The following MRTFA variants were observed in gnomAD, a reference collection of about 807,000 sequenced individuals.
The protein encoded by MRTFA is myocardin related transcription factor A.
MRTFA carries 20 observed loss-of-function variants against 83.5 expected under a neutral mutation model. The ratio of observed to expected loss-of-function variants is 0.24; its 90% CI spans 0.17 to 0.35. The LOEUF (loss-of-function observed/expected upper bound fraction) is 0.35. Among genes scored for constraint, MRTFA ranks in the 10% least tolerant of loss-of-function variants. MRTFA has a pLI of 1.00. For synonymous variants in MRTFA, 659 were observed against 541.2 expected (o/e 1.22, Z -3.02); for missense variants, 1,200 against 1,224.7 (o/e 0.98, Z 0.30).
intron 3 of MRTFA, 77 bp from the exon 4 acceptor site, chr22:40,463,363 A>C: frequency 2.4e-6 from 3 of 1,259,796 alleles, no homozygotes; most frequent in Non-Finnish European, 3.5e-6. Context: ...TTTCAAACGC[A>C]AAAAAAGTCT....
chr22:40,574,440 A>AT (rs1556012318), intron 2 of MRTFA, among the ~76,000 whole-genome samples: 134 of 147,770 alleles, frequency 9.1e-4, no homozygotes, highest in Admixed American at 1.6e-3. Context: ...TATTATTATT[A>AT]TTTTTTTTTT....
At chr22:40,499,166 G>A (rs150769798) in intron 3 of MRTFA, among the ~76,000 whole-genome samples, 2 of 152,288 alleles carry the variant, frequency 1.3e-5, no homozygotes, top group African/African-American at 4.8e-5. Context: ...TTCTCGTAAA[G>A]ATGTCATGCT....
At chr22:40,459,822 C>CATATATATATATATATATATAT (rs1284924516) in intron 4 of MRTFA, among the ~76,000 whole-genome samples, 3 of 68,264 alleles carry the variant, frequency 4.4e-5, no homozygotes, top group African/African-American at 1.3e-4. Flanking sequence ...CACACACACA[C>CATATATATATATATATATATAT]ATATATACAT....
intron 1 of MRTFA, among the ~76,000 whole-genome samples, chr22:40,615,062 G>A (rs1231118648): frequency 1.3e-5 from 2 of 151,732 alleles, no homozygotes; most frequent in Admixed American, 1.3e-4. Context: ...AAAAAAATCT[G>A]CCTATGTCAA....
At chr22:40,532,646 T>A (rs1422659279) in intron 3 of MRTFA, among the ~76,000 whole-genome samples, 2 of 152,212 alleles carry the variant, frequency 1.3e-5, no homozygotes, top group Admixed American at 1.3e-4. Flanking sequence ...CCAGATAGCA[T>A]CTGATCCTGT....
intron 3 of MRTFA, among the ~76,000 whole-genome samples, chr22:40,498,495 G>C (rs780239069): frequency 2.0e-5 from 3 of 150,870 alleles, no homozygotes; most frequent in African/African-American, 7.3e-5. Flanking sequence ...ATGTTGCGCA[G>C]GTTGGTCTTG....
chr22:40,474,790 T>C (rs10483204), intron 3 of MRTFA, among the ~76,000 whole-genome samples: 18,300 of 152,190 alleles, frequency 0.12, 1,255 homozygotes, highest in East Asian at 0.24. Flanking sequence ...ACACTATATC[T>C]TAACTGATTT....
At chr22:40,457,777 CAT>C (rs1268085561) in intron 4 of MRTFA, among the ~76,000 whole-genome samples, 1 of 152,176 alleles carries the variant, frequency 6.6e-6, no homozygotes, top group Admixed American at 6.5e-5. Flanking sequence ...GCATTAGAAA[CAT>C]GGTACTATAT....
intron 2 of MRTFA, among the ~76,000 whole-genome samples, chr22:40,573,128 G>A (rs986102866): frequency 7.2e-5 from 11 of 152,192 alleles, no homozygotes; most frequent in African/African-American, 2.7e-4. Flanking sequence ...GAGAGAAAAG[G>A]GAGAGGGAAG....
At chr22:40,500,565 A>G (rs1483952237) in intron 3 of MRTFA, among the ~76,000 whole-genome samples, 1 of 152,032 alleles carries the variant, frequency 6.6e-6, no homozygotes, top group African/African-American at 2.4e-5. Flanking sequence ...TGTGTCCCTG[A>G]TTACTTGCGA....
intron 3 of MRTFA, among the ~76,000 whole-genome samples, chr22:40,503,622 G>C (rs1226025373): frequency 6.6e-6 from 1 of 152,216 alleles, no homozygotes; most frequent in African/African-American, 2.4e-5. Flanking sequence ...TGCAAAGAAG[G>C]CATCAGTGTT....
chr22:40,607,059 G>A (rs948989779), intron 1 of MRTFA, among the ~76,000 whole-genome samples: 1 of 152,180 alleles, frequency 6.6e-6, no homozygotes, highest in African/African-American at 2.4e-5. Flanking sequence ...ACAGAAAACA[G>A]ATACACAATA....
chr22:40,509,304 A>C (rs929817956), intron 3 of MRTFA, among the ~76,000 whole-genome samples: 5 of 152,234 alleles, frequency 3.3e-5, no homozygotes, highest in African/African-American at 1.2e-4. Context: ...TCTAACTCTT[A>C]CTGGGCAAAT....
chr22:40,485,654 TA>T (rs1162445906), intron 3 of MRTFA, among the ~76,000 whole-genome samples: 1 of 152,064 alleles, frequency 6.6e-6, no homozygotes, highest in Non-Finnish European at 1.5e-5. Flanking sequence ...TACCTATTCC[TA>T]GATGGAAGGT....
chr22:40,575,057 C>A (rs983240709), intron 2 of MRTFA, among the ~76,000 whole-genome samples: 2 of 152,194 alleles, frequency 1.3e-5, no homozygotes. Context: ...AGAAAAGTAG[C>A]ATGGGCTTAG....
intron 3 of MRTFA, among the ~76,000 whole-genome samples, chr22:40,479,006 G>A (rs771342260): frequency 5.3e-5 from 8 of 152,102 alleles, no homozygotes; most frequent in Non-Finnish European, 7.4e-5. Flanking sequence ...AAATTACTTA[G>A]GCAGATAGGG....
intron 3 of MRTFA, among the ~76,000 whole-genome samples, chr22:40,489,040 G>GA (rs769694818): frequency 6.6e-6 from 1 of 151,522 alleles, no homozygotes; most frequent in Non-Finnish European, 1.5e-5. Context: ...GCTCAGTCCT[G>GA]AAAAAAAATT....
chr22:40,423,533 T>C lies in MRTFA; in HGVS notation c.927+3A>G. The C allele has an allele frequency of 6.7e-7, 1 of 1,488,720 alleles. No homozygotes were observed. The highest frequency in any genetic ancestry group is 9.0e-7 in the Non-Finnish European group (1 of 1,111,392). The allele number at this position is 1,488,720 out of a possible 1,614,324, so 92.2% of individuals were successfully genotyped here. A position where few individuals can be genotyped will look rare whatever the true frequency, so the allele number is the denominator to read the frequency against. On this transcript the variant is annotated splice_donor_region_variant and intron_variant, in intron 9 of 14. Coordinates refer to ENST00000355630, the MANE Select transcript of MRTFA (RefSeq NM_020831.6). Reference sequence around the variant, plus strand: ...GAGGGTACAATCACTGGCAGAAATGTACCTTAATGAGTGTGGGGGTGGACT... The same window carrying C: ...GAGGGTACAATCACTGGCAGAAATGCACCTTAATGAGTGTGGGGGTGGACT...
chr22:40,439,529 A>AAG (rs1602243743), intron 4 of MRTFA, among the ~76,000 whole-genome samples: 1 of 149,418 alleles, frequency 6.7e-6, no homozygotes, highest in Non-Finnish European at 1.5e-5. Context: ...AAAAAAAAAA[A>AAG]AGAGACAGAA....
Sources: allele counts gnomAD v4.1 joint callset (sites outside exome capture counted in the v4.1 genomes callset), GRCh38; gene constraint gnomAD v4.1.1; transcripts MANE v1.5; gene names NCBI Gene and HGNC (gene_info 2026-07-23, HGNC 2026-07-21).